USP6NL: variants seen among roughly 807,000 people sequenced by gnomAD.
USP6NL encodes the protein USP6 N-terminal like.
In USP6NL, 26 loss-of-function variants were observed where a neutral mutation model predicts 61.9. The ratio of observed to expected loss-of-function variants is 0.42; its 90% CI spans 0.31 to 0.58. The LOEUF (loss-of-function observed/expected upper bound fraction) is 0.58. Among genes scored for constraint, USP6NL ranks in the 20% least tolerant of loss-of-function variants. The pLI is 0.16. For missense variants in USP6NL, 1,114 were observed against 1,034.3 expected (o/e 1.08, Z -1.06); for synonymous variants, 432 against 390.1 (o/e 1.11, Z -1.27).
Position 11,585,001 on chromosome 10 carries a change from T to G in USP6NL, c.4+12630A>C, listed in dbSNP as rs1211809799. ...TCCAATAAATATATAAAAGCTACAC[T>G]GCTTCATAATAAATTTTTGGAAGGT... On this transcript the variant is annotated intron_variant, in intron 2 of 14. Coordinates refer to ENST00000609104, the MANE Select transcript of USP6NL (RefSeq NM_014688.5). This position sits in a 1 kb window ranked among gnomAD's most constrained non-coding sequence, Gnocchi z 4.5. Among the ~76,000 whole-genome samples, 1 of 152,124 alleles carries G rather than the reference T, an allele frequency of 6.6e-6. No individual in the cohort carries two copies. The highest frequency in any genetic ancestry group is 6.5e-5 in the Admixed American group (1 of 15,274).
chr10:11,476,668 C>T lies in USP6NL; in HGVS notation c.1078+5102G>A, dbSNP rs1832979208. Among the ~76,000 whole-genome samples, 1 of 152,004 alleles carries T rather than the reference C, an allele frequency of 6.6e-6. No homozygotes were observed. The highest frequency in any genetic ancestry group is 1.5e-5 in the Non-Finnish European group (1 of 68,004). ...ATGCCAAACCCACACACAAAAACCC[C>T]CACAAAACTCCTCTTCACACAAATC... On this transcript the variant is annotated intron_variant, in intron 14 of 14. Transcript: ENST00000609104. This position sits in a 1 kb window ranked among gnomAD's most constrained non-coding sequence, Gnocchi z 4.3.
intron 2 of USP6NL, chr10:11,573,315 T>C (rs889785862): frequency 4.3e-6 from 1 of 234,194 alleles, no homozygotes; most frequent in African/African-American, 2.3e-5. Flanking sequence ...AAATACATAA[T>C]GCAAGAGGAT....
rs537707426 is a variant in USP6NL at position 11,493,059 on chromosome 10, A to G, written c.494+60T>C. 2.0e-5 allele frequency: 29 copies of G among 1,440,086 alleles called. No individual in the cohort carries two copies. The African/African-American group carries it at 3.1e-4, about 15-fold the overall frequency. 89.2% of individuals were successfully genotyped at this position (1,440,086 alleles called of 1,614,324 possible). ...CAGTCTATAAAGGCATTCTAATTTTAAGTTAATAAAGACTATTTATAAATG... is the reference window on the plus strand; with the variant it reads ...CAGTCTATAAAGGCATTCTAATTTTGAGTTAATAAAGACTATTTATAAATG... On this transcript the variant is annotated intron_variant, in intron 8 of 14. Coordinates refer to ENST00000609104, the MANE Select transcript of USP6NL (RefSeq NM_014688.5).
intron 4 of USP6NL, among the ~76,000 whole-genome samples, chr10:11,524,008 A>T (rs1190404199): frequency 6.6e-6 from 1 of 152,182 alleles, no homozygotes; most frequent in Non-Finnish European, 1.5e-5. Context: ...CTGCACACTA[A>T]CCCACACAAA....
At chr10:11,507,495 C>T (rs1206812958) in intron 6 of USP6NL, among the ~76,000 whole-genome samples, 1 of 152,034 alleles carries the variant, frequency 6.6e-6, no homozygotes, top group Non-Finnish European at 1.5e-5. Context: ...CTGATGAAAA[C>T]AAAGTAATAT....
intron 2 of USP6NL, among the ~76,000 whole-genome samples, chr10:11,533,027 CA>C (rs1420102972): frequency 6.6e-6 from 1 of 152,166 alleles, no homozygotes; most frequent in Non-Finnish European, 1.5e-5. Flanking sequence ...AACCATTTTG[CA>C]AAAGTAACAT....
chr10:11,563,577 T>A (rs1452070264), intron 2 of USP6NL: 1 of 152,206 alleles, frequency 6.6e-6, no homozygotes, highest in Non-Finnish European at 1.5e-5. Context: ...TACATGGGAT[T>A]TCTCGGTACT....
At position 11,496,480 on chromosome 10, in the gene USP6NL, T is replaced by A. The variant is rs564167430; in HGVS notation, c.385-3252A>T. Among the ~76,000 whole-genome samples, 12 of 152,360 alleles carry A rather than the reference T, an allele frequency of 7.9e-5. No homozygotes were observed. In the East Asian group the frequency reaches 2.3e-3, roughly 29 times the overall value. On this transcript the variant is annotated intron_variant, in intron 7 of 14. Coordinates refer to ENST00000609104, the MANE Select transcript of USP6NL (RefSeq NM_014688.5). This position sits in a 1 kb window ranked among gnomAD's most constrained non-coding sequence, Gnocchi z 5.4. Reference sequence around the variant, plus strand: ...CTGTTAAGCATCTCCCATTTTCTTATTTCTGTGGGTTTGCCTTTTTATAAT... The same window carrying A: ...CTGTTAAGCATCTCCCATTTTCTTAATTCTGTGGGTTTGCCTTTTTATAAT...
intron 6 of USP6NL, among the ~76,000 whole-genome samples, chr10:11,508,901 G>A (rs555999334): frequency 2.0e-5 from 3 of 152,294 alleles, no homozygotes; most frequent in Non-Finnish European, 4.4e-5. Context: ...TCACTTGAAG[G>A]AAGATAACTG....
intron 2 of USP6NL, among the ~76,000 whole-genome samples, chr10:11,542,990 A>T (rs1836128032): frequency 1.3e-5 from 2 of 152,168 alleles, no homozygotes; most frequent in South Asian, 4.1e-4. Context: ...AACAAGAAAA[A>T]TATTTAGGGA....
At chr10:11,555,471 A>AGAGAAAGAG (rs1566178235) in intron 2 of USP6NL, among the ~76,000 whole-genome samples, 30 of 62,172 alleles carry the variant, frequency 4.8e-4, no homozygotes, top group South Asian at 2.9e-3. Context: ...GAGAGAGAGA[A>AGAGAAAGAG]AGAGAGAGAG....
chr10:11,584,014 G>C (rs1837882961), intron 2 of USP6NL, among the ~76,000 whole-genome samples: 1 of 152,260 alleles, frequency 6.6e-6, no homozygotes, highest in East Asian at 1.9e-4. Flanking sequence ...GGGCGACACA[G>C]CGAGACTCTG....
chr10:11,553,488 T>C lies in USP6NL; in HGVS notation c.5-25921A>G, dbSNP rs1836569285. Reference sequence around the variant, plus strand: ...ACCTGTTATGTATGCCAAAACTAAATAAAAGGCTGAAAATCAATGTTCCTT... The same window carrying C: ...ACCTGTTATGTATGCCAAAACTAAACAAAAGGCTGAAAATCAATGTTCCTT... On this transcript the variant is annotated intron_variant, in intron 2 of 14. Coordinates refer to ENST00000609104, the MANE Select transcript of USP6NL (RefSeq NM_014688.5). The surrounding 1 kb of genome is among the most constrained non-coding windows in gnomAD (Gnocchi z 4.8). 6.6e-6 allele frequency among the ~76,000 whole-genome samples: 1 copy of C among 152,188 alleles called. No homozygotes were observed. The highest frequency in any genetic ancestry group is 1.5e-5 in the Non-Finnish European group (1 of 68,028).
chr10:11,466,259 T>G (rs924317514), intron 14 of USP6NL, among the ~76,000 whole-genome samples: 5 of 152,230 alleles, frequency 3.3e-5, no homozygotes, highest in Admixed American at 2.0e-4. Flanking sequence ...TTAAGCAATA[T>G]TCTAGGTTTG....
In USP6NL at chr10:11,491,291, A is replaced by G. The variant is rs1253984310; in HGVS notation, c.495-411T>C. Among the ~76,000 whole-genome samples, 5 of 152,178 alleles carry G rather than the reference A, an allele frequency of 3.3e-5. No individual in the cohort carries two copies. The highest frequency in any genetic ancestry group is 7.2e-5 in the African/African-American group (3 of 41,432). ...GTCCTTGGGATGCTGAATATGCTCCATATCAGGCTCCAATTCAAGGTGCTG... is the reference window on the plus strand; with the variant it reads ...GTCCTTGGGATGCTGAATATGCTCCGTATCAGGCTCCAATTCAAGGTGCTG... On this transcript the variant is annotated intron_variant, in intron 8 of 14. Transcript: ENST00000609104. This position sits in a 1 kb window ranked among gnomAD's most constrained non-coding sequence, Gnocchi z 4.7.
chr10:11,590,504 C>G (rs546579714), intron 2 of USP6NL, among the ~76,000 whole-genome samples: 9 of 152,268 alleles, frequency 5.9e-5, no homozygotes, highest in Non-Finnish European at 1.2e-4. Flanking sequence ...TAACAAATCT[C>G]AGTTACTAAG....
At chr10:11,557,601 G>C (rs960195979) in intron 2 of USP6NL, among the ~76,000 whole-genome samples, 1 of 152,230 alleles carries the variant, frequency 6.6e-6, no homozygotes, top group Non-Finnish European at 1.5e-5. Context: ...GAAAATGGAA[G>C]AGAATGAATT....
intron 2 of USP6NL, among the ~76,000 whole-genome samples, chr10:11,586,442 T>A (rs1339602144): frequency 6.6e-6 from 1 of 151,436 alleles, no homozygotes; most frequent in Non-Finnish European, 1.5e-5. Flanking sequence ...GATGAGTCAT[T>A]ACCTTTAAGG....
chr10:11,461,355 T>C lies in USP6NL; in HGVS notation c.*1086A>G, dbSNP rs2096213559. The C allele has an allele frequency of 6.6e-6, 1 of 152,228 alleles. No individual in the cohort carries two copies. Among genetic ancestry groups the C allele is most frequent in the African/African-American group, 2.4e-5 (1 of 41,448 alleles). 9.4% of individuals were successfully genotyped at this position (152,228 alleles called of 1,614,324 possible). A position where few individuals can be genotyped will look rare whatever the true frequency, so the allele number is the denominator to read the frequency against. ...AGACTCCTATGAAAAACTAGGATCA[T>C]TTTTATAATTTTAACATGGACAATG... On this transcript the variant is annotated 3_prime_UTR_variant, in exon 15 of 15. Coordinates refer to ENST00000609104, the MANE Select transcript of USP6NL (RefSeq NM_014688.5).
Sources: gnomAD v4.1 joint callset for allele counts (sites outside exome capture counted in the v4.1 genomes callset) on GRCh38, gnomAD v4.1.1 for gene constraint, Gnocchi (gnomAD v3.1) non-coding constraint, MANE v1.5 for transcripts, NCBI Gene and HGNC (gene_info 2026-07-23, HGNC 2026-07-21) for gene names.